Variants in LEP observed in about 807,000 individuals in gnomAD.
LEP encodes the protein leptin.
A neutral mutation model predicts 9.8 loss-of-function variants in LEP; 6 were observed. The ratio of observed to expected loss-of-function variants is 0.61; its 90% CI spans 0.34 to 1.21. LEP has a LOEUF of 1.21. LEP is among the 50% of genes most tolerant of loss of function. The pLI is 0.04. For missense variants in LEP, 134 were observed against 198.1 expected (o/e 0.68, Z 1.94); for synonymous variants, 112 against 81.7 (o/e 1.37, Z -2.00).
At position 128,254,493 on chromosome 7, in the gene LEP, A is replaced by G. The variant is rs201665158; in HGVS notation, c.234A>G (p.Thr78=). The G allele has an allele frequency of 6.2e-6, 10 of 1,614,038 alleles. No individual in the cohort carries two copies. The highest frequency in any genetic ancestry group is 2.2e-5 in the East Asian group (1 of 44,890). ...TGACCTTATCCAAGATGGACCAGAC[A>G]CTGGCAGTCTACCAACAGATCCTCA... ...PILTLSKMDQ[T]LAVYQQILTS... is the part of the protein sequence containing the mutation. The change falls in exon 3 of 3, where the codon ACA becomes ACG. Residue 78 remains threonine, a synonymous_variant. Transcript: ENST00000308868.
rs1028300691 is a variant in LEP at position 128,256,871 on chromosome 7, G to C, written c.*2108G>C. On this transcript the variant is annotated 3_prime_UTR_variant, in exon 3 of 3. Transcript: ENST00000308868. ...GCGCTTTCTGGAAAAGAGGAGTTTCGAGGTAGAGTTTGAAGGAGGTGAGGG... is the reference window on the plus strand; with the variant it reads ...GCGCTTTCTGGAAAAGAGGAGTTTCCAGGTAGAGTTTGAAGGAGGTGAGGG... 6.6e-6 allele frequency: 1 copy of C among 152,240 alleles called. No individual in the cohort carries two copies. The highest frequency in any genetic ancestry group is 2.1e-4 in the South Asian group (1 of 4,820). 9.4% of individuals were successfully genotyped at this position (152,240 alleles called of 1,614,324 possible).
At chr7:128,254,365 A>T in intron 2 of LEP, 39 bp from the exon 3 acceptor site, 2 of 1,608,456 alleles carry the variant, frequency 1.2e-6, no homozygotes, top group Non-Finnish European at 1.7e-6. Flanking sequence ...GATTCCTCCC[A>T]CATGCTGAGC....
At position 128,252,062 on chromosome 7, in the gene LEP, A is replaced by G. The variant is rs760165439; in HGVS notation, c.44A>G (p.Tyr15Cys). Residue 15 changes from tyrosine to cysteine, a missense_variant, in exon 2 of 3, where the codon TAT (tyrosine) becomes TGT (cysteine). By Grantham distance (194) the Tyr-to-Cys change is radical (BLOSUM62 -2). Coordinates refer to ENST00000308868, the MANE Select transcript of LEP (RefSeq NM_000230.3). ...TLCGFLWLWP[Y>C]LFYVQAVPIQ... The stretch of plus-strand genomic sequence containing the variant: ...TGCGGATTCTTGTGGCTTTGGCCCT[A>G]TCTTTTCTATGTCCAAGCTGTGCCC... 2 of 1,614,196 alleles carry G rather than the reference A, an allele frequency of 1.2e-6. No homozygotes were observed. The highest frequency in any genetic ancestry group is 2.2e-5 in the South Asian group (2 of 91,074).
intron 1 of LEP, among the ~76,000 whole-genome samples, chr7:128,251,409 C>T (rs1795273247): frequency 6.6e-6 from 1 of 152,164 alleles, no homozygotes; most frequent in Non-Finnish European, 1.5e-5. Flanking sequence ...GTGGTAAAGG[C>T]CCTCACAGAG....
In LEP at chr7:128,245,323, G is replaced by A. The variant is rs139392472; in HGVS notation, c.-29+4017G>A. On this transcript the variant is annotated intron_variant, in intron 1 of 2. Coordinates refer to ENST00000308868, the MANE Select transcript of LEP (RefSeq NM_000230.3). Reference sequence around the variant, plus strand: ...CTTGCAAAGCTCTCCTCCCATCCCCGGAGTCCCTCTTCCCCTTTGTTCTTT... The same window carrying A: ...CTTGCAAAGCTCTCCTCCCATCCCCAGAGTCCCTCTTCCCCTTTGTTCTTT... Among the ~76,000 whole-genome samples, 32 of 152,182 alleles carry A rather than the reference G, an allele frequency of 2.1e-4. No homozygotes were observed. In the East Asian group the frequency reaches 5.4e-3, roughly 26 times the overall value.
At chr7:128,250,394 T>C (rs1181073263) in intron 1 of LEP, among the ~76,000 whole-genome samples, 7 of 152,184 alleles carry the variant, frequency 4.6e-5, no homozygotes, top group Admixed American at 4.6e-4. Context: ...GGGTATTTGT[T>C]TCCAAATGCC....
At chr7:128,246,098 A>AAAAATAAG in intron 1 of LEP, among the ~76,000 whole-genome samples, 1 of 152,124 alleles carries the variant, frequency 6.6e-6, no homozygotes, top group South Asian at 2.1e-4. Flanking sequence ...AAAAAAATAA[A>AAAAATAAG]AAAAATAAAG....
At chr7:128,251,107 T>C (rs1795269673) in intron 1 of LEP, among the ~76,000 whole-genome samples, 1 of 152,208 alleles carries the variant, frequency 6.6e-6, no homozygotes, top group Non-Finnish European at 1.5e-5. Flanking sequence ...AGCCCATATT[T>C]AGTCCAATCC....
At chr7:128,253,228 C>T (rs185297141) in intron 2 of LEP, among the ~76,000 whole-genome samples, 1 of 152,246 alleles carries the variant, frequency 6.6e-6, no homozygotes. Flanking sequence ...CTTGTAGTTC[C>T]AGCTGATCTC....
intron 2 of LEP, among the ~76,000 whole-genome samples, chr7:128,253,299 C>T (rs1467773575): frequency 1.3e-5 from 2 of 152,212 alleles, no homozygotes; most frequent in Non-Finnish European, 2.9e-5. Flanking sequence ...ATTCAACCCT[C>T]TACTGATTTG....
chr7:128,248,021 G>A (rs138251528), intron 1 of LEP, among the ~76,000 whole-genome samples: 8 of 152,288 alleles, frequency 5.3e-5, no homozygotes, highest in South Asian at 2.1e-4. Flanking sequence ...GGCCCAATGC[G>A]GTGGCTCACG....
At chr7:128,246,699 G>A (rs1342195327) in intron 1 of LEP, among the ~76,000 whole-genome samples, 2 of 152,020 alleles carry the variant, frequency 1.3e-5, no homozygotes, top group African/African-American at 4.8e-5. Context: ...CTGGGCTCAA[G>A]CGATCCTCCT....
chr7:128,249,279 A>G (rs2116216274), intron 1 of LEP, among the ~76,000 whole-genome samples: 1 of 152,332 alleles, frequency 6.6e-6, no homozygotes, highest in Admixed American at 6.5e-5. Context: ...TCTCTCACAC[A>G]CACCCAGCAC....
intron 1 of LEP, among the ~76,000 whole-genome samples, chr7:128,241,583 C>T (rs906096692): frequency 6.6e-6 from 1 of 152,246 alleles, no homozygotes; most frequent in African/African-American, 2.4e-5. Context: ...GACCCACCAA[C>T]CTGGTGGCAT....
At chr7:128,244,255 AC>A (rs1363951758) in intron 1 of LEP, among the ~76,000 whole-genome samples, 1 of 123,450 alleles carries the variant, frequency 8.1e-6, no homozygotes, top group Admixed American at 7.4e-5. Flanking sequence ...TGACACACAC[AC>A]ACACACACAC....
At chr7:128,244,624 A>G (rs961374996) in intron 1 of LEP, among the ~76,000 whole-genome samples, 5 of 152,246 alleles carry the variant, frequency 3.3e-5, no homozygotes, top group Non-Finnish European at 7.3e-5. Context: ...GTTGAAAGCT[A>G]TCCAAGTGAG....
chr7:128,257,438 G>A lies in LEP; in HGVS notation c.*2675G>A, dbSNP rs1359844027. 4 of 151,880 alleles carry A rather than the reference G, an allele frequency of 2.6e-5. No individual in the cohort carries two copies. The highest frequency in any genetic ancestry group is 2.1e-4 in the South Asian group (1 of 4,806). 9.4% of individuals were successfully genotyped at this position (151,880 alleles called of 1,614,324 possible). A position where few individuals can be genotyped will look rare whatever the true frequency, so the allele number is the denominator to read the frequency against. On this transcript the variant is annotated 3_prime_UTR_variant, in exon 3 of 3. Coordinates refer to ENST00000308868, the MANE Select transcript of LEP (RefSeq NM_000230.3). ...ACAAAAGTTAGCTGAGCGTGGTGGC[G>A]GGCGCCTGTAGTCCCAGCCACTCGG... is the stretch of plus-strand genomic sequence containing the variant.
rs1332916395 is a variant in LEP, at chr7:128,254,486, A to T, written c.227A>T (p.Asp76Val). The change falls in exon 3 of 3, where the codon GAC becomes GTC. Residue 76 changes from aspartate to valine, a missense_variant. Physicochemically the swap from Asp to Val is radical, Grantham distance 152. Coordinates refer to ENST00000308868, the MANE Select transcript of LEP (RefSeq NM_000230.3). ...LHPILTLSKM[D>V]QTLAVYQQIL... ...CCCATCCTGACCTTATCCAAGATGG[A>T]CCAGACACTGGCAGTCTACCAACAG... 1.2e-6 allele frequency: 2 copies of T among 1,614,136 alleles called. No homozygotes were observed. Among genetic ancestry groups the T allele is most frequent in the Non-Finnish European group, 1.7e-6 (2 of 1,180,008 alleles).
chr7:128,243,948 G>A (rs1183727229), intron 1 of LEP, among the ~76,000 whole-genome samples: 1 of 152,076 alleles, frequency 6.6e-6, no homozygotes, highest in Non-Finnish European at 1.5e-5. Flanking sequence ...GCTCGAGGGA[G>A]CCTCAACAAT....
Sources: gnomAD v4.1 joint callset for allele counts (sites outside exome capture counted in the v4.1 genomes callset) on GRCh38, gnomAD v4.1.1 for gene constraint, MANE v1.5 for transcripts, NCBI Gene and HGNC (gene_info 2026-07-23, HGNC 2026-07-21) for gene names.